The following NDUFA10 variants were observed in gnomAD, a reference collection of about 807,000 sequenced individuals.
NDUFA10 encodes the protein NADH dehydrogenase [ubiquinone] 1 alpha subcomplex subunit 10, mitochondrial.
A neutral mutation model predicts 47.8 loss-of-function variants in NDUFA10; 40 were observed. The ratio of observed to expected loss-of-function variants is 0.84; its 90% CI spans 0.65 to 1.09. The LOEUF is 1.09. Among genes scored for constraint, NDUFA10 ranks in the 50% least tolerant of loss-of-function variants. NDUFA10 has a pLI of 0.00. For missense variants in NDUFA10, 413 were observed against 451.1 expected, an observed-to-expected ratio of 0.92 and a Z score of 0.76; for synonymous variants, 183 against 172.2, an observed-to-expected ratio of 1.06 and a Z score of -0.49.
At chr2:240,014,886 G>A in intron 4 of NDUFA10, 26 bp from the exon 5 acceptor site, 1 of 1,614,000 alleles carries the variant, frequency 6.2e-7, no homozygotes, top group Non-Finnish European at 8.5e-7. Context: ...AAGGGGCGCT[G>A]TCACCTACCA....
rs768139546 is a variant in NDUFA10 at position 239,928,863 on chromosome 2, G to A, written c.295-33549C>T. On this transcript the variant is annotated intron_variant, in intron 4 of 5. Coordinates refer to the NDUFA10 transcript ENST00000419408. The surrounding 1 kb of genome is among the most constrained non-coding windows in gnomAD (Gnocchi z 4.3). ...CCTTCACCCCACTCCTCCCATCAGC[G>A]GATCCTCCGCGAATCCTCCCAGCCT... 8.5e-5 allele frequency among the ~76,000 whole-genome samples: 13 copies of A among 152,108 alleles called. No individual in the cohort carries two copies. Among genetic ancestry groups the A allele is most frequent in the African/African-American group, 2.4e-4 (10 of 41,412 alleles).
chr2:239,965,943 G>A (rs1410290607), intron 9 of NDUFA10, among the ~76,000 whole-genome samples: 13 of 152,034 alleles, frequency 8.6e-5, no homozygotes, highest in Non-Finnish European at 1.8e-4. Context: ...GCTCTGATAA[G>A]TTTAACACTT....
At chr2:239,966,004 A>G (rs1695044016) in intron 9 of NDUFA10, among the ~76,000 whole-genome samples, 4 of 152,234 alleles carry the variant, frequency 2.6e-5, no homozygotes, top group Admixed American at 2.6e-4. Context: ...TCAAAAAGGA[A>G]GTTTACTGAA....
chr2:240,006,113 C>A (rs1056965645), intron 7 of NDUFA10, among the ~76,000 whole-genome samples: 2 of 152,154 alleles, frequency 1.3e-5, no homozygotes, highest in African/African-American at 2.4e-5. Flanking sequence ...AACTCATGAA[C>A]CCTCTTTAGT....
chr2:239,980,684 G>A (rs1258033419), intron 9 of NDUFA10, among the ~76,000 whole-genome samples: 1 of 152,214 alleles, frequency 6.6e-6, no homozygotes, highest in East Asian at 1.9e-4. Context: ...AAAAACCTCT[G>A]GAAATGCTTC....
chr2:239,981,037 C>T (rs1180660620), intron 9 of NDUFA10, among the ~76,000 whole-genome samples: 6 of 152,274 alleles, frequency 3.9e-5, no homozygotes, highest in Non-Finnish European at 7.3e-5. Context: ...AAGGTGCCAT[C>T]AATCCCTCCC....
At chr2:239,938,738 AG>A (rs1431904844) in intron 4 of NDUFA10, among the ~76,000 whole-genome samples, 2 of 152,156 alleles carry the variant, frequency 1.3e-5, no homozygotes, top group African/African-American at 4.8e-5. Flanking sequence ...GGGGGCGGCT[AG>A]GAAACGAGGC....
chr2:239,963,166 C>T (rs1198689684), intron 9 of NDUFA10, among the ~76,000 whole-genome samples: 1 of 152,176 alleles, frequency 6.6e-6, no homozygotes, highest in African/African-American at 2.4e-5. Flanking sequence ...AAAAGAAAAA[C>T]CCAGCTCCTT....
chr2:239,985,542 A>G (rs1338897365), intron 9 of NDUFA10, among the ~76,000 whole-genome samples: 1 of 152,154 alleles, frequency 6.6e-6, no homozygotes, highest in East Asian at 1.9e-4. Context: ...CATGGTGAAA[A>G]GGTCCAACAT....
downstream of NDUFA10, among the ~76,000 whole-genome samples, chr2:239,952,849 G>A (rs1694579431): frequency 2.0e-5 from 3 of 152,246 alleles, no homozygotes; most frequent in South Asian, 6.2e-4. Context: ...GCCAGAAAAC[G>A]CAAGGCACAG....
At chr2:239,910,554 G>A (rs998776906) in intron 4 of NDUFA10, among the ~76,000 whole-genome samples, 3 of 152,052 alleles carry the variant, frequency 2.0e-5, no homozygotes, top group Non-Finnish European at 4.4e-5. Context: ...CACACACTGG[G>A]GCCTGCTGGG....
chr2:240,021,030 A>G, intron 3 of NDUFA10, 167 bp downstream of exon 3: 1 of 676,338 alleles, frequency 1.5e-6, no homozygotes, highest in Non-Finnish European at 2.6e-6. Context: ...TTAATTCTGA[A>G]GCAAAAATAA....
At chr2:240,002,330 C>CAAAAAAAAA (rs61475593) in intron 8 of NDUFA10, among the ~76,000 whole-genome samples, 12 of 83,752 alleles carry the variant, frequency 1.4e-4, no homozygotes, top group African/African-American at 6.3e-4. Context: ...AACTCTGACT[C>CAAAAAAAAA]AAAAAAAAAA....
intron 9 of NDUFA10, 151 bp from the exon 10 acceptor site, chr2:239,961,337 T>C: frequency 1.3e-6 from 2 of 1,487,598 alleles, no homozygotes; most frequent in Non-Finnish European, 1.8e-6. Flanking sequence ...GTGTCTCCTG[T>C]GAGTGCAAGG....
At chr2:239,950,567 A>C (rs1297946920) in intron 4 of NDUFA10, among the ~76,000 whole-genome samples, 1 of 152,214 alleles carries the variant, frequency 6.6e-6, no homozygotes, top group Non-Finnish European at 1.5e-5. Context: ...AGGACCCCAC[A>C]CACGGATGAG....
At chr2:239,908,152 AAAC>A (rs1693688756) in intron 4 of NDUFA10, among the ~76,000 whole-genome samples, 1 of 152,174 alleles carries the variant, frequency 6.6e-6, no homozygotes, top group African/African-American at 2.4e-5. Context: ...CAAGGACAGA[AAAC>A]CAAACACTGC....
chr2:239,974,083 C>T (rs772388794), intron 9 of NDUFA10, among the ~76,000 whole-genome samples: 2 of 152,102 alleles, frequency 1.3e-5, no homozygotes, highest in East Asian at 1.9e-4. Context: ...CTCGCCACCA[C>T]GCCTGGCTAA....
At chr2:239,967,232 G>T (rs892345650) in intron 9 of NDUFA10, among the ~76,000 whole-genome samples, 1 of 152,176 alleles carries the variant, frequency 6.6e-6, no homozygotes, top group Non-Finnish European at 1.5e-5. Context: ...CTTACACTTC[G>T]GGGCTGATTC....
At chr2:239,967,795 T>G (rs1246577852) in intron 9 of NDUFA10, among the ~76,000 whole-genome samples, 1 of 152,126 alleles carries the variant, frequency 6.6e-6, no homozygotes, top group East Asian at 1.9e-4. Context: ...ACTGGATGAG[T>G]TCTGATGTTA....
Sources: allele counts gnomAD v4.1 joint callset (sites outside exome capture counted in the v4.1 genomes callset), GRCh38; gene constraint gnomAD v4.1.1; non-coding constraint Gnocchi (gnomAD v3.1); transcripts MANE v1.5; gene names NCBI Gene and HGNC (gene_info 2026-07-23, HGNC 2026-07-21).